Variants in TNIK observed in about 807,000 individuals in gnomAD.
TNIK encodes the protein TRAF2 and NCK interacting kinase, also known as TRAF2 and NCK-interacting protein kinase.
A neutral mutation model predicts 191.3 loss-of-function variants in TNIK; 49 were observed. The observed-to-expected ratio is 0.26, with a 90% CI of 0.20 to 0.32. The LOEUF is 0.32. Among genes scored for constraint, TNIK ranks in the 10% least tolerant of loss-of-function variants. TNIK has a pLI of 1.00. For synonymous variants in TNIK, 594 were observed against 600.9 expected, an observed-to-expected ratio of 0.99 and a Z score of 0.17; for missense variants, 1,155 against 1,702.3, an observed-to-expected ratio of 0.68 and a Z score of 5.66.
intron 2 of TNIK, among the ~76,000 whole-genome samples, chr3:171,316,973 GAT>G (rs1402365808): frequency 4.6e-4 from 34 of 74,488 alleles, no homozygotes; most frequent in African/African-American, 1.6e-3. Context: ...ATAATTATAT[GAT>G]ATATATCATA....
At chr3:171,299,870 T>C (rs182381658) in intron 2 of TNIK, among the ~76,000 whole-genome samples, 66 of 152,314 alleles carry the variant, frequency 4.3e-4, no homozygotes, top group Admixed American at 3.9e-3. Context: ...AGTCAACACC[T>C]AACGTACAAG....
chr3:171,419,937 C>A (rs59748089), intron 1 of TNIK, among the ~76,000 whole-genome samples: 24,260 of 152,124 alleles, frequency 0.16, 2,511 homozygotes, highest in African/African-American at 0.31. Flanking sequence ...AGAGTCAGTG[C>A]CACTTACCTA....
chr3:171,416,946 C>A (rs963382156), intron 1 of TNIK, among the ~76,000 whole-genome samples: 3 of 152,154 alleles, frequency 2.0e-5, no homozygotes, highest in Non-Finnish European at 4.4e-5. Flanking sequence ...TTCTAAGAAG[C>A]AAACAATGGC....
intron 2 of TNIK, among the ~76,000 whole-genome samples, chr3:171,290,317 C>A (rs1320183844): frequency 6.6e-6 from 1 of 152,108 alleles, no homozygotes; most frequent in Non-Finnish European, 1.5e-5. Flanking sequence ...GGTTCAAATC[C>A]AAGCCAACCC....
At chr3:171,449,382 C>T (rs1249894407) in intron 1 of TNIK, among the ~76,000 whole-genome samples, 1 of 152,186 alleles carries the variant, frequency 6.6e-6, no homozygotes, top group Non-Finnish European at 1.5e-5. Context: ...TAAAAGCGTT[C>T]CTATTTCTCC....
chr3:171,074,705 TTTA>T (rs1490835962), intron 28 of TNIK, among the ~76,000 whole-genome samples: 2 of 152,216 alleles, frequency 1.3e-5, no homozygotes, highest in Non-Finnish European at 2.9e-5. Context: ...GCTTTTCTTT[TTTA>T]TTCTCATTTT....
At chr3:171,126,825 T>A (rs571454272) in intron 16 of TNIK, among the ~76,000 whole-genome samples, 1 of 152,358 alleles carries the variant, frequency 6.6e-6, no homozygotes, top group South Asian at 2.1e-4. Context: ...ACTTTTTGAG[T>A]TAAGTATCTC....
intron 2 of TNIK, among the ~76,000 whole-genome samples, chr3:171,279,135 G>A (rs73171578): frequency 0.17 from 25,121 of 146,524 alleles, 2,205 homozygotes; most frequent in Middle Eastern, 0.19. Context: ...CTAGCAAAAA[G>A]AAAAAAAAAA....
chr3:171,420,543 A>G (rs1368212459), intron 1 of TNIK, among the ~76,000 whole-genome samples: 1 of 152,164 alleles, frequency 6.6e-6, no homozygotes, highest in African/African-American at 2.4e-5. Flanking sequence ...CTTTATCTGT[A>G]GAGAATATGT....
intron 2 of TNIK, among the ~76,000 whole-genome samples, chr3:171,285,722 A>T (rs1201303576): frequency 3.3e-5 from 5 of 152,224 alleles, no homozygotes; most frequent in Non-Finnish European, 7.3e-5. Context: ...TTTGGCAGAT[A>T]AGAAAGCTCT....
intron 1 of TNIK, among the ~76,000 whole-genome samples, chr3:171,419,228 T>C (rs979906772): frequency 6.6e-6 from 1 of 152,134 alleles, no homozygotes; most frequent in East Asian, 1.9e-4. Flanking sequence ...GAAAACATTA[T>C]GGTATGTGAA....
intron 15 of TNIK, among the ~76,000 whole-genome samples, chr3:171,129,809 C>T (rs1432303136): frequency 6.6e-6 from 1 of 152,202 alleles, no homozygotes; most frequent in Non-Finnish European, 1.5e-5. Context: ...AAGACTGCCT[C>T]GGAGGGCAAT....
At chr3:171,329,542 G>T (rs867210821) in intron 2 of TNIK, among the ~76,000 whole-genome samples, 1 of 152,086 alleles carries the variant, frequency 6.6e-6, no homozygotes, top group African/African-American at 2.4e-5. Flanking sequence ...AGCTTTCAGG[G>T]TTGTTGTGAA....
chr3:171,151,212 A>G (rs1732392844), intron 12 of TNIK, among the ~76,000 whole-genome samples: 1 of 152,224 alleles, frequency 6.6e-6, no homozygotes, highest in South Asian at 2.1e-4. Flanking sequence ...GCCTGTAAAG[A>G]TAGTGTATTT....
chr3:171,412,083 G>C (rs1171872754), intron 1 of TNIK, among the ~76,000 whole-genome samples: 32 of 152,150 alleles, frequency 2.1e-4, no homozygotes, highest in Non-Finnish European at 4.4e-5. Flanking sequence ...AGTTGTCCTT[G>C]CTCTGCAAAG....
In TNIK at chr3:171,359,833, T is replaced by C. The variant is rs528312586; in HGVS notation, c.123+9787A>G. Among the ~76,000 whole-genome samples, 37 of 152,304 alleles carry C rather than the reference T, an allele frequency of 2.4e-4. 1 individual carries two copies. Among genetic ancestry groups the C allele is most frequent in the Non-Finnish European group, 4.7e-4 (32 of 68,028 alleles). On this transcript the variant is annotated intron_variant, in intron 2 of 32. Transcript: ENST00000436636. Reference sequence around the variant, plus strand: ...CCATGTACAAAATAGTTAAAAACCGTGAAGAGCCCTAAATTCTGTGCCTGT... The same window carrying C: ...CCATGTACAAAATAGTTAAAAACCGCGAAGAGCCCTAAATTCTGTGCCTGT...
intron 8 of TNIK, 47 bp downstream of exon 8, chr3:171,177,279 T>C (rs1327415904): frequency 1.3e-6 from 2 of 1,580,988 alleles, no homozygotes; most frequent in Non-Finnish European, 8.6e-7. Flanking sequence ...CTTCAGTACC[T>C]GCAGAGCAGA....
At chr3:171,163,380 G>A (rs932445359) in intron 10 of TNIK, among the ~76,000 whole-genome samples, 1 of 152,160 alleles carries the variant, frequency 6.6e-6, no homozygotes, top group Non-Finnish European at 1.5e-5. Context: ...ATTTAGTTAT[G>A]TTACCACCAG....
At chr3:171,118,734 A>T (rs1727161831) in intron 18 of TNIK, among the ~76,000 whole-genome samples, 1 of 152,186 alleles carries the variant, frequency 6.6e-6, no homozygotes, top group Non-Finnish European at 1.5e-5. Flanking sequence ...CTGGCTAGCC[A>T]TATGTAGAAA....
Sources: allele counts gnomAD v4.1 joint callset (sites outside exome capture counted in the v4.1 genomes callset), GRCh38; gene constraint gnomAD v4.1.1; transcripts MANE v1.5; gene names NCBI Gene and HGNC (gene_info 2026-07-23, HGNC 2026-07-21).